TLK1: variants seen among roughly 807,000 people sequenced by gnomAD.
The protein encoded by TLK1 is serine/threonine-protein kinase tousled-like 1.
A neutral mutation model predicts 105.3 loss-of-function variants in TLK1; 24 were observed. That is an observed-to-expected ratio of 0.23 (90% CI 0.17 to 0.32). The LOEUF is 0.32. TLK1 is among the 10% of genes least tolerant of loss of function. The pLI is 1.00. For synonymous variants in TLK1, 321 were observed against 310.4 expected, an observed-to-expected ratio of 1.03 and a Z score of -0.36; for missense variants, 558 against 910.5, an observed-to-expected ratio of 0.61 and a Z score of 4.98.
intron 1 of TLK1, among the ~76,000 whole-genome samples, chr2:171,212,394 G>A (rs1307866427): frequency 2.0e-5 from 3 of 150,374 alleles, no homozygotes; most frequent in Non-Finnish European, 4.4e-5. Context: ...CTGTTCAGTT[G>A]ATGTTATCTT....
At chr2:171,041,094 A>G (rs979459026) in intron 11 of TLK1, among the ~76,000 whole-genome samples, 8 of 152,184 alleles carry the variant, frequency 5.3e-5, no homozygotes, top group Admixed American at 2.6e-4. Flanking sequence ...AGGAAAATCA[A>G]TGTAAGTGTC....
intron 1 of TLK1, among the ~76,000 whole-genome samples, chr2:171,148,879 T>TAAAAAAA (rs745504391): frequency 1.9e-5 from 2 of 103,920 alleles, no homozygotes; most frequent in Admixed American, 1.0e-4. Context: ...GACTCTGTCT[T>TAAAAAAA]AAAAAAAAAA....
intron 2 of TLK1, among the ~76,000 whole-genome samples, chr2:171,089,419 T>C (rs1045116427): frequency 7.9e-5 from 12 of 152,228 alleles, no homozygotes; most frequent in African/African-American, 2.9e-4. Flanking sequence ...CATTTAAATC[T>C]ACAATTTACT....
rs1575660233 is a variant in TLK1 at position 171,210,402 on chromosome 2, C to T, written c.-6+20743G>A. Among the ~76,000 whole-genome samples, 4 of 152,022 alleles carry T rather than the reference C, an allele frequency of 2.6e-5. No homozygotes were observed. The South Asian group carries it at 8.3e-4, about 32-fold the overall frequency. On this transcript the variant is annotated intron_variant, in intron 1 of 20. Transcript: ENST00000521943. The stretch of plus-strand genomic sequence containing the variant: ...AGTAGCTGGGACTACAGGCACATAC[C>T]ACCACACCCAGCCATGGTCAGTATC...
At chr2:171,072,818 A>C (rs1244316247) in intron 3 of TLK1, among the ~76,000 whole-genome samples, 1 of 151,374 alleles carries the variant, frequency 6.6e-6, no homozygotes, top group African/African-American at 2.4e-5. Flanking sequence ...AATCCCAGCT[A>C]CTCAGAAGGC....
chr2:171,008,491 A>G (rs1269973784), intron 14 of TLK1, among the ~76,000 whole-genome samples: 2 of 152,204 alleles, frequency 1.3e-5, no homozygotes, highest in African/African-American at 4.8e-5. Flanking sequence ...TAAGCAAGCA[A>G]TAAAAAGTTA....
intron 12 of TLK1, among the ~76,000 whole-genome samples, chr2:171,021,669 C>G (rs774271114): frequency 1.3e-5 from 2 of 152,130 alleles, no homozygotes; most frequent in Non-Finnish European, 2.9e-5. Context: ...ACTGTTTTCT[C>G]TTTTTTGTGA....
At chr2:171,040,089 A>T (rs1490324954) in intron 11 of TLK1, among the ~76,000 whole-genome samples, 1 of 152,158 alleles carries the variant, frequency 6.6e-6, no homozygotes, top group Non-Finnish European at 1.5e-5. Context: ...AATAGAGAAA[A>T]AGAATAAAAT....
chr2:170,997,619 T>A (rs1684127370), intron 19 of TLK1, 93 bp downstream of exon 19: 2 of 650,400 alleles, frequency 3.1e-6, no homozygotes, highest in Admixed American at 2.7e-5. Flanking sequence ...AGGATCTAAA[T>A]TGACTTTAAG....
At chr2:171,021,544 A>AG (rs1291780042) in intron 12 of TLK1, among the ~76,000 whole-genome samples, 13 of 149,406 alleles carry the variant, frequency 8.7e-5, no homozygotes, top group Non-Finnish European at 1.5e-5. Context: ...CTGGGATTAC[A>AG]GGCATGAGTC....
Position 171,049,873 on chromosome 2 carries a change from T to A in TLK1, c.921A>T (p.Arg307Ser). Reference sequence around the variant, plus strand: ...ATTGTTCAGTAAATGAAGCGCCATGTCTAACTGTTGTAAAGTGCCCGAGGC... The same window carrying A: ...ATTGTTCAGTAAATGAAGCGCCATGACTAACTGTTGTAAAGTGCCCGAGGC... ...RLRLGHFTTV[R>S]HGASFTEQWT... Residue 307 changes from arginine to serine, a missense_variant, in exon 10 of 21, where the codon AGA (arginine) becomes AGT (serine). Physicochemically the swap from Arg to Ser is moderately radical, Grantham distance 110 (BLOSUM62 -1). Transcript: ENST00000431350. 6.2e-7 allele frequency: 1 copy of A among 1,613,962 alleles called. No homozygotes were observed. Among genetic ancestry groups the A allele is most frequent in the Non-Finnish European group, 8.5e-7 (1 of 1,179,946 alleles).
At chr2:171,130,011 A>G (rs1028328465) in intron 1 of TLK1, among the ~76,000 whole-genome samples, 1 of 152,216 alleles carries the variant, frequency 6.6e-6, no homozygotes, top group African/African-American at 2.4e-5. Context: ...TTATTTTAAC[A>G]ATACAGCCAG....
intron 1 of TLK1, among the ~76,000 whole-genome samples, chr2:171,214,806 G>T (rs1361273454): frequency 6.6e-6 from 1 of 152,136 alleles, no homozygotes; most frequent in African/African-American, 2.4e-5. Context: ...TCTATACTTT[G>T]CTTCAACTCC....
At chr2:171,138,456 G>T (rs1296206189) in intron 1 of TLK1, among the ~76,000 whole-genome samples, 1 of 152,122 alleles carries the variant, frequency 6.6e-6, no homozygotes, top group Non-Finnish European at 1.5e-5. Flanking sequence ...GCATTTGGAG[G>T]ACAGTACGAA....
At chr2:171,037,686 C>A (rs1030012480) in intron 11 of TLK1, among the ~76,000 whole-genome samples, 1 of 152,108 alleles carries the variant, frequency 6.6e-6, no homozygotes, top group African/African-American at 2.4e-5. Context: ...CTATAACCAA[C>A]CTTGCACATC....
chr2:171,120,810 C>A (rs747828512), intron 1 of TLK1, among the ~76,000 whole-genome samples: 1 of 152,112 alleles, frequency 6.6e-6, no homozygotes, highest in Non-Finnish European at 1.5e-5. Context: ...CCAATACAAG[C>A]GAAAGCAATG....
At chr2:171,118,954 T>C (rs754811629) in intron 1 of TLK1, among the ~76,000 whole-genome samples, 22 of 152,138 alleles carry the variant, frequency 1.4e-4, no homozygotes, top group Non-Finnish European at 2.9e-4. Context: ...TACCTGAAAA[T>C]ACACCTTCCT....
At chr2:171,215,928 A>G (rs1038501653) in intron 1 of TLK1, among the ~76,000 whole-genome samples, 1 of 152,110 alleles carries the variant, frequency 6.6e-6, no homozygotes, top group African/African-American at 2.4e-5. Context: ...ATGGTTCCTC[A>G]TTTTTCATAA....
chr2:171,025,692 G>A (rs1012251603), intron 12 of TLK1, among the ~76,000 whole-genome samples: 7 of 152,180 alleles, frequency 4.6e-5, no homozygotes, highest in Admixed American at 3.9e-4. Flanking sequence ...ACTCAAGCCT[G>A]TCCTGTGTTT....
Sources: gnomAD v4.1 joint callset for allele counts (sites outside exome capture counted in the v4.1 genomes callset) on GRCh38, gnomAD v4.1.1 for gene constraint, MANE v1.5 for transcripts, NCBI Gene and HGNC (gene_info 2026-07-23, HGNC 2026-07-21) for gene names.